Variants in ASB18 observed in about 807,000 individuals in gnomAD.
The protein encoded by ASB18 is ankyrin repeat and SOCS box protein 18.
ASB18 carries 33 observed loss-of-function variants against 33.4 expected under a neutral mutation model. The observed-to-expected ratio is 0.99, with a 90% CI of 0.75 to 1.32. The LOEUF is 1.32. Among genes scored for constraint, ASB18 ranks in the 40% most tolerant of loss-of-function variants. The pLI is 0.00. For missense variants in ASB18, 694 were observed against 655.5 expected (o/e 1.06, Z -0.64); for synonymous variants, 295 against 307.6 (o/e 0.96, Z 0.43).
chr2:236,202,814 T>TATATACACAC (rs1472095135), intron 4 of ASB18, among the ~76,000 whole-genome samples: 3 of 126,604 alleles, frequency 2.4e-5, no homozygotes, highest in Admixed American at 7.9e-5. Flanking sequence ...TATATATATA[T>TATATACACAC]ACACACACCT....
rs1386705054 is a variant in ASB18 at position 236,209,311 on chromosome 2, C to T, written c.1101+5051G>A. On this transcript the variant is annotated intron_variant, in intron 4 of 5. Coordinates refer to ENST00000409749, the MANE Select transcript of ASB18 (RefSeq NM_212556.4). The surrounding 1 kb of genome is among the most constrained non-coding windows in gnomAD (Gnocchi z 4.4). ...TTTTTAAGACAAGGTCTTGCTCTGT[C>T]GTCCAGGCTGGAGTGTAGTATTGCA... Among the ~76,000 whole-genome samples, 1 of 148,984 alleles carries T rather than the reference C, an allele frequency of 6.7e-6. No homozygotes were observed. The highest frequency in any genetic ancestry group is 1.5e-5 in the Non-Finnish European group (1 of 67,660).
intron 4 of ASB18, among the ~76,000 whole-genome samples, chr2:236,201,429 T>C (rs1190501810): frequency 2.0e-5 from 3 of 152,082 alleles, no homozygotes; most frequent in Non-Finnish European, 2.9e-5. Context: ...GCTGGGATTA[T>C]AGATGTGAGC....
Position 236,239,121 on chromosome 2 carries a change from T to C in ASB18, c.329-1165A>G, listed in dbSNP as rs1372380895. On this transcript the variant is annotated intron_variant, in intron 2 of 5. Transcript: ENST00000409749. The surrounding 1 kb of genome is among the most constrained non-coding windows in gnomAD (Gnocchi z 5.6). ...CCTTCCCAGTGAAGACCAGGTCGGA[T>C]CTGGAGGGGGTGATGGATGTAGTCT... is the stretch of plus-strand genomic sequence containing the variant. Among the ~76,000 whole-genome samples, 1 of 152,160 alleles carries C rather than the reference T, an allele frequency of 6.6e-6. No individual in the cohort carries two copies. The highest frequency in any genetic ancestry group is 1.9e-4 in the East Asian group (1 of 5,186).
At position 236,237,990 on chromosome 2, in the gene ASB18, G is replaced by T; in HGVS notation, c.329-34C>A. 1 of 1,447,326 alleles carries T rather than the reference G, an allele frequency of 6.9e-7. No homozygotes were observed. The highest frequency in any genetic ancestry group is 9.0e-7 in the Non-Finnish European group (1 of 1,108,196). The allele number at this position is 1,447,326 out of a possible 1,614,324, so 89.7% of individuals were successfully genotyped here. ...AGGGAGGTGGGATGTAAGGTCAGGG[G>T]GAGGTTAGTTGTGGTGGTGGTGGGC... On this transcript the variant is annotated intron_variant, in intron 2 of 5. Coordinates refer to ENST00000409749, the MANE Select transcript of ASB18 (RefSeq NM_212556.4). The surrounding 1 kb of genome is among the most constrained non-coding windows in gnomAD (Gnocchi z 6.2).
rs530943171 is a variant in ASB18 at position 236,225,797 on chromosome 2, AT to A, written c.597-10932del. ...TGCTGGTTGGAAGGAAGCACAGGTA[AT>A]TTTTTTTTTTTAATCCCAGGAACTC... On this transcript the variant is annotated intron_variant, in intron 3 of 5. Coordinates refer to ENST00000409749, the MANE Select transcript of ASB18 (RefSeq NM_212556.4). This position sits in a 1 kb window ranked among gnomAD's most constrained non-coding sequence, Gnocchi z 5.1. Among the ~76,000 whole-genome samples, 100 of 145,318 alleles carry A rather than the reference AT, an allele frequency of 6.9e-4. No individual in the cohort carries two copies. Among genetic ancestry groups the A allele is most frequent in the Middle Eastern group, 3.8e-3 (1 of 264 alleles).
rs765699553 is a variant in ASB18 at position 236,220,190 on chromosome 2, T to C, written c.597-5324A>G. On this transcript the variant is annotated intron_variant, in intron 3 of 5. Coordinates refer to ENST00000409749, the MANE Select transcript of ASB18 (RefSeq NM_212556.4). This position sits in a 1 kb window ranked among gnomAD's most constrained non-coding sequence, Gnocchi z 5.1. ...TATGGGGTGGGGGGATGTGGGACTTTGGCCACTCCCTGCACACCCTCCCAT... is the reference window on the plus strand; with the variant it reads ...TATGGGGTGGGGGGATGTGGGACTTCGGCCACTCCCTGCACACCCTCCCAT... Among the ~76,000 whole-genome samples, 4 of 152,202 alleles carry C rather than the reference T, an allele frequency of 2.6e-5. No homozygotes were observed. The highest frequency in any genetic ancestry group is 4.8e-5 in the African/African-American group (2 of 41,448).
At chr2:236,247,288 C>CAAAA (rs1256910317) in intron 1 of ASB18, 2 of 147,284 alleles carry the variant, frequency 1.4e-5, no homozygotes, top group African/African-American at 5.2e-5. Context: ...TTAAAACAAA[C>CAAAA]AAACCTGAAA....
At chr2:236,201,505 T>C (rs62189442) in intron 4 of ASB18, among the ~76,000 whole-genome samples, 14,354 of 151,916 alleles carry the variant, frequency 0.094, 868 homozygotes, top group Middle Eastern at 0.2. Context: ...AGTAGTTATT[T>C]GAGAGTGTGC....
At position 236,241,532 on chromosome 2, in the gene ASB18, C is replaced by T. The variant is rs1489313905; in HGVS notation, c.206-130G>A. The stretch of plus-strand genomic sequence containing the variant: ...GGCTGTCTCTCCATTGAGATGCCGT[C>T]GATTTCAGAAGAGTTCTTCAGGAAC... On this transcript the variant is annotated intron_variant, in intron 1 of 5. Coordinates refer to ENST00000409749, the MANE Select transcript of ASB18 (RefSeq NM_212556.4). The surrounding 1 kb of genome is among the most constrained non-coding windows in gnomAD (Gnocchi z 4.2). 1.5e-5 allele frequency: 15 copies of T among 1,023,690 alleles called. No individual in the cohort carries two copies. In the Middle Eastern group the frequency reaches 6.0e-4, roughly 41 times the overall value. The allele number at this position is 1,023,690 out of a possible 1,614,324, so 63.4% of individuals were successfully genotyped here. A position where few individuals can be genotyped will look rare whatever the true frequency, so the allele number is the denominator to read the frequency against.
rs2060665426 is a variant in ASB18, at chr2:236,250,818, T to C, written c.206-9416A>G. On this transcript the variant is annotated intron_variant, in intron 1 of 5. Transcript: ENST00000409749. This position sits in a 1 kb window ranked among gnomAD's most constrained non-coding sequence, Gnocchi z 4.1. Reference sequence around the variant, plus strand: ...CTGCTTTTAAGAGTTCCAGGACACATCCATCCACCAGAGTTAGTCACATAG... The same window carrying C: ...CTGCTTTTAAGAGTTCCAGGACACACCCATCCACCAGAGTTAGTCACATAG... 1 of 152,208 alleles carries C rather than the reference T, an allele frequency of 6.6e-6. No individual in the cohort carries two copies. The highest frequency in any genetic ancestry group is 2.4e-5 in the African/African-American group (1 of 41,452). 9.4% of individuals were successfully genotyped at this position (152,208 alleles called of 1,614,324 possible). A position where few individuals can be genotyped will look rare whatever the true frequency, so the allele number is the denominator to read the frequency against.
Position 236,245,157 on chromosome 2 carries a change from AT to A in ASB18, c.206-3756del, listed in dbSNP as rs1336123983. Among the ~76,000 whole-genome samples, 2 of 152,076 alleles carry A rather than the reference AT, an allele frequency of 1.3e-5. No homozygotes were observed. The highest frequency in any genetic ancestry group is 2.4e-5 in the African/African-American group (1 of 41,420). On this transcript the variant is annotated intron_variant, in intron 1 of 5. Transcript: ENST00000409749. This position sits in a 1 kb window ranked among gnomAD's most constrained non-coding sequence, Gnocchi z 4.7. ...GGGGGCCGTAGGTTTATTTTTTACCATGTTTATCTGACCTCTGGGCAAAGGC... is the reference window on the plus strand; with the variant it reads ...GGGGGCCGTAGGTTTATTTTTTACCAGTTTATCTGACCTCTGGGCAAAGGC...
rs765591566 is a variant in ASB18, at chr2:236,249,100, G to A, written c.206-7698C>T. The A allele has an allele frequency of 9.2e-5, 14 of 152,254 alleles. No individual in the cohort carries two copies. Among genetic ancestry groups the A allele is most frequent in the Non-Finnish European group, 2.1e-4 (14 of 68,042 alleles). 9.4% of individuals were successfully genotyped at this position (152,254 alleles called of 1,614,324 possible). ...ATTTGAAAACATTCAAAGCATGTCT[G>A]TACAGTAAGAGTAACTCGTGTCAGA... On this transcript the variant is annotated intron_variant, in intron 1 of 5. Coordinates refer to ENST00000409749, the MANE Select transcript of ASB18 (RefSeq NM_212556.4). This position sits in a 1 kb window ranked among gnomAD's most constrained non-coding sequence, Gnocchi z 4.6.
At chr2:236,247,649 T>G (rs1410565076) in intron 1 of ASB18, 1 of 152,236 alleles carries the variant, frequency 6.6e-6, no homozygotes, top group East Asian at 1.9e-4. Context: ...CCTTCTCAGC[T>G]TAGTCAAAGC....
chr2:236,237,373 CCGGG>C lies in ASB18; in HGVS notation c.596+312_596+315del, dbSNP rs1471527211. 5.1e-5 allele frequency among the ~76,000 whole-genome samples: 4 copies of C among 78,814 alleles called. No homozygotes were observed. The highest frequency in any genetic ancestry group is 2.7e-4 in the African/African-American group (4 of 14,692). 51.7% of individuals were successfully genotyped at this position (78,814 alleles called of 152,430 possible). A position where few individuals can be genotyped will look rare whatever the true frequency, so the allele number is the denominator to read the frequency against. On this transcript the variant is annotated intron_variant, in intron 3 of 5. Transcript: ENST00000409749. This position sits in a 1 kb window ranked among gnomAD's most constrained non-coding sequence, Gnocchi z 6.2. ...CCGGGGCGCGGGGCGGGGGCCGGGG[CCGGG>C]GCGCGGGGCGGGGGCCGGGGCCGGG...
Position 236,228,508 on chromosome 2 carries a change from A to C in ASB18, c.596+9181T>G, listed in dbSNP as rs947104241. ...ACCAATTAGTGTGTGGGCATGAGGA[A>C]ACTACCTAAGCTGTGGAAAGAGCCA... On this transcript the variant is annotated intron_variant, in intron 3 of 5. Transcript: ENST00000409749. This position sits in a 1 kb window ranked among gnomAD's most constrained non-coding sequence, Gnocchi z 5.1. 1.5e-4 allele frequency among the ~76,000 whole-genome samples: 23 copies of C among 152,222 alleles called. No individual in the cohort carries two copies. The highest frequency in any genetic ancestry group is 5.5e-4 in the African/African-American group (23 of 41,460).
chr2:236,237,641 T>C lies in ASB18; in HGVS notation c.596+48A>G. On this transcript the variant is annotated intron_variant, in intron 3 of 5. Coordinates refer to ENST00000409749, the MANE Select transcript of ASB18 (RefSeq NM_212556.4). The surrounding 1 kb of genome is among the most constrained non-coding windows in gnomAD (Gnocchi z 6.2). The stretch of plus-strand genomic sequence containing the variant: ...GGTCTCGTGGGGGGAGGCGGGCGTC[T>C]GGTCTCGGGGCGGGGCGGACGCCGC... The C allele has an allele frequency of 1.7e-6, 2 of 1,203,410 alleles. No individual in the cohort carries two copies. The highest frequency in any genetic ancestry group is 3.8e-5 in the East Asian group (1 of 26,196). 74.5% of individuals were successfully genotyped at this position (1,203,410 alleles called of 1,614,324 possible).
In ASB18 at chr2:236,203,079, C is replaced by T. The variant is rs577638359; in HGVS notation, c.1102-6694G>A. On this transcript the variant is annotated intron_variant, in intron 4 of 5. Transcript: ENST00000409749. The surrounding 1 kb of genome is among the most constrained non-coding windows in gnomAD (Gnocchi z 6.0). ...TGTTATAGCTGGGTTGTATGCTCAC[C>T]ACCTGTCCTTTAAGCCATCCCTTCT... Among the ~76,000 whole-genome samples, 1 of 152,154 alleles carries T rather than the reference C, an allele frequency of 6.6e-6. No homozygotes were observed. The highest frequency in any genetic ancestry group is 1.5e-5 in the Non-Finnish European group (1 of 68,014).
rs7581196 is a variant in ASB18, at chr2:236,242,455, G to A, written c.206-1053C>T. The stretch of plus-strand genomic sequence containing the variant: ...TCCACTCCCAGCTCTTGTATGGTTT[G>A]GGTGCTATGAATTGTTTGTACATTT... On this transcript the variant is annotated intron_variant, in intron 1 of 5. Transcript: ENST00000409749. 1.7e-3 allele frequency among the ~76,000 whole-genome samples: 266 copies of A among 152,050 alleles called. 1 individual carries two copies. The highest frequency in any genetic ancestry group is 6.2e-3 in the African/African-American group (258 of 41,468).
rs1213111034 is a variant in ASB18 at position 236,208,305 on chromosome 2, G to C, written c.1101+6057C>G. ...ACATGTTGATATTTCTGGCTCACAC[G>C]AGCCCCACTAACATGCCATTTCCTC... On this transcript the variant is annotated intron_variant, in intron 4 of 5. Transcript: ENST00000409749. The surrounding 1 kb of genome is among the most constrained non-coding windows in gnomAD (Gnocchi z 7.7). Among the ~76,000 whole-genome samples, 2 of 152,046 alleles carry C rather than the reference G, an allele frequency of 1.3e-5. No individual in the cohort carries two copies. The highest frequency in any genetic ancestry group is 2.4e-5 in the African/African-American group (1 of 41,390).
Sources: gnomAD v4.1 joint callset for allele counts (sites outside exome capture counted in the v4.1 genomes callset) on GRCh38, gnomAD v4.1.1 for gene constraint, Gnocchi (gnomAD v3.1) non-coding constraint, MANE v1.5 for transcripts, NCBI Gene and HGNC (gene_info 2026-07-23, HGNC 2026-07-21) for gene names.